DARS1: variants seen among roughly 807,000 people sequenced by gnomAD.
DARS1 encodes the protein aspartate--tRNA ligase, cytoplasmic.
Under a neutral mutation model 68.8 loss-of-function variants are expected in DARS1, and 51 were observed. The ratio of observed to expected loss-of-function variants is 0.74; its 90% CI spans 0.59 to 0.94. The LOEUF (loss-of-function observed/expected upper bound fraction) is 0.94. Ranked by LOEUF, DARS1 falls within the 40% of genes least tolerant of loss-of-function variation. The probability of loss-of-function intolerance (pLI) is 0.00; values close to 1 mark genes in which losing one functional copy is unlikely to be tolerated. For missense variants in DARS1, 607 were observed against 597.3 expected (o/e 1.02, Z -0.17); for synonymous variants, 203 against 190.4 (o/e 1.07, Z -0.55).
rs1246905736 is a variant in DARS1 at position 135,911,409 on chromosome 2, T to C, written c.1315A>G (p.Thr439Ala). 6 of 1,005,420 alleles carry C rather than the reference T, an allele frequency of 6.0e-6. No homozygotes were observed. Among genetic ancestry groups the C allele is most frequent in the African/African-American group, 1.6e-5 (1 of 63,726 alleles). 62.3% of individuals were successfully genotyped at this position (1,005,420 alleles called of 1,614,324 possible). The change falls in exon 14 of 16, where the codon ACA becomes GCA. Residue 439 changes from threonine to alanine, a missense_variant. Physicochemically the swap from Thr to Ala is moderately conservative, Grantham distance 58. Coordinates refer to ENST00000264161, the MANE Select transcript of DARS1 (RefSeq NM_001349.4). ...AQRIHDPQLL[T>A]ERALHHGIDL... ...ATTCCATGATGTAAAGCTCTCTCTGTTAGCAGTTGAGGATCATGTATTCTT... is the reference window on the plus strand; with the variant it reads ...ATTCCATGATGTAAAGCTCTCTCTGCTAGCAGTTGAGGATCATGTATTCTT...
chr2:135,980,420 G>C (rs1021194601), intron 2 of DARS1: 3 of 152,156 alleles, frequency 2.0e-5, no homozygotes, highest in African/African-American at 7.2e-5. Context: ...TATAAATACT[G>C]TATGTCTTAC....
At chr2:135,970,649 A>G (rs1682349141) in intron 3 of DARS1, among the ~76,000 whole-genome samples, 1 of 152,118 alleles carries the variant, frequency 6.6e-6, no homozygotes, top group South Asian at 2.1e-4. Flanking sequence ...AAACAATATA[A>G]AAGATCAATG....
chr2:135,976,926 C>T (rs936803586), intron 3 of DARS1, among the ~76,000 whole-genome samples: 1 of 152,062 alleles, frequency 6.6e-6, no homozygotes, highest in Non-Finnish European at 1.5e-5. Flanking sequence ...AGCTACTGGA[C>T]AGCAAGAACA....
chr2:135,941,327 C>G (rs898119503), intron 5 of DARS1, among the ~76,000 whole-genome samples: 16 of 152,240 alleles, frequency 1.1e-4, no homozygotes, highest in Admixed American at 3.9e-4. Flanking sequence ...ATCAATGGAA[C>G]AGAACAGAGC....
rs370064817 is a variant in DARS1 at position 135,916,233 on chromosome 2, C to T, written c.1099G>A (p.Asp367Asn). 52 of 1,580,462 alleles carry T rather than the reference C, an allele frequency of 3.3e-5. No individual in the cohort carries two copies. Among genetic ancestry groups the T allele is most frequent in the Non-Finnish European group, 4.3e-5 (49 of 1,150,130 alleles). ...AAAGCCACAAAGACAAACCTCAGATCGTCTTCATCTCCCATTTCGACTCCA... is the reference window on the plus strand; with the variant it reads ...AAAGCCACAAAGACAAACCTCAGATTGTCTTCATCTCCCATTTCGACTCCA... ...EAGVEMGDED[D>N]LSTPNEKLLG... Residue 367 changes from aspartate to asparagine, a missense_variant, in exon 11 of 16, where the codon GAT (aspartate) becomes AAT (asparagine). Asp to Asn is a conservative substitution (Grantham distance 23, BLOSUM62 1). Coordinates refer to ENST00000264161, the MANE Select transcript of DARS1 (RefSeq NM_001349.4).
At chr2:135,985,670 C>A (rs1260780786), upstream of DARS1, 2 of 1,347,474 alleles carry the variant, frequency 1.5e-6, no homozygotes, top group Non-Finnish European at 2.0e-6. Context: ...CGCTGGCGGC[C>A]GCGCGCAGGG....
chr2:135,974,137 C>A (rs150877902), intron 3 of DARS1, among the ~76,000 whole-genome samples: 1 of 152,130 alleles, frequency 6.6e-6, no homozygotes, highest in Non-Finnish European at 1.5e-5. Context: ...GTGAAAGGGA[C>A]GCTTATTTAC....
In DARS1 at chr2:135,961,535, C is replaced by T. The variant is rs146614339; in HGVS notation, c.218-37G>A. The T allele has an allele frequency of 2.3e-5, 23 of 990,778 alleles. No individual in the cohort carries two copies. In the East Asian group the frequency reaches 5.0e-4, roughly 22 times the overall value. The allele number at this position is 990,778 out of a possible 1,614,324, so 61.4% of individuals were successfully genotyped here. ...AGAAAGAACACAAATGTATTAAGGA[C>T]ACGCAACTTCAGGTTTTACAAAGAA... is the stretch of plus-strand genomic sequence containing the variant. On this transcript the variant is annotated intron_variant, in intron 3 of 15. Transcript: ENST00000264161.
At chr2:135,947,049 TG>T (rs904212097) in intron 4 of DARS1, among the ~76,000 whole-genome samples, 6 of 152,264 alleles carry the variant, frequency 3.9e-5, no homozygotes, top group Admixed American at 2.6e-4. Flanking sequence ...CCCAAAGTGG[TG>T]GGATTACAGG....
rs749578102 is a variant in DARS1 at position 135,985,534 on chromosome 2, G to C, written c.-66C>G. 9.3e-6 allele frequency: 15 copies of C among 1,611,742 alleles called. No homozygotes were observed. In the South Asian group the frequency reaches 1.3e-4, roughly 14 times the overall value. ...AGGCTTCCGTAAGGCAGGCCAAAGG[G>C]GCTTCTCCCTCCCTCCCAGTCTCCG... On this transcript the variant is annotated 5_prime_UTR_variant, in exon 1 of 16. Coordinates refer to ENST00000264161, the MANE Select transcript of DARS1 (RefSeq NM_001349.4).
chr2:135,975,666 A>C (rs1682480946), intron 3 of DARS1, among the ~76,000 whole-genome samples: 1 of 150,028 alleles, frequency 6.7e-6, no homozygotes, highest in African/African-American at 2.5e-5. Flanking sequence ...ATGGTGGCGC[A>C]TGCCTGTAGT....
chr2:135,943,559 T>G, intron 4 of DARS1, 79 bp from the exon 5 acceptor site: 3 of 1,548,686 alleles, frequency 1.9e-6, no homozygotes, highest in Non-Finnish European at 2.6e-6. Flanking sequence ...GCAGTAAAGC[T>G]GAATATGTTA....
intron 4 of DARS1, among the ~76,000 whole-genome samples, chr2:135,953,930 T>C (rs980411358): frequency 6.6e-6 from 1 of 151,768 alleles, no homozygotes; most frequent in Admixed American, 6.5e-5. Flanking sequence ...TATTTAATTT[T>C]TTTTTTTGTA....
chr2:135,963,125 A>G (rs1448850347), intron 3 of DARS1, among the ~76,000 whole-genome samples: 1 of 152,212 alleles, frequency 6.6e-6, no homozygotes, highest in East Asian at 1.9e-4. Flanking sequence ...ATGGGTCGGC[A>G]CTAGGGGGTA....
At chr2:135,950,655 T>C (rs1449713065) in intron 4 of DARS1, among the ~76,000 whole-genome samples, 4 of 152,188 alleles carry the variant, frequency 2.6e-5, no homozygotes, top group African/African-American at 9.7e-5. Flanking sequence ...CCAATTATAC[T>C]TAGAAACTAA....
At chr2:135,965,737 T>C (rs1682217937) in intron 3 of DARS1, among the ~76,000 whole-genome samples, 1 of 152,202 alleles carries the variant, frequency 6.6e-6, no homozygotes. Flanking sequence ...TTAGAATATA[T>C]GTTAAGGAAA....
chr2:135,965,934 C>T (rs660002), intron 3 of DARS1, among the ~76,000 whole-genome samples: 39,156 of 152,056 alleles, frequency 0.26, 5,990 homozygotes, highest in Middle Eastern at 0.42. Flanking sequence ...CTCTATGAAG[C>T]ACTTTTGAGA....
intron 7 of DARS1, among the ~76,000 whole-genome samples, chr2:135,931,048 G>T (rs1419221104): frequency 6.6e-6 from 1 of 152,202 alleles, no homozygotes; most frequent in African/African-American, 2.4e-5. Flanking sequence ...TGCCTGTAAA[G>T]TTCAGAGAGA....
intron 7 of DARS1, among the ~76,000 whole-genome samples, chr2:135,925,211 C>A (rs1207916481): frequency 6.6e-6 from 1 of 152,118 alleles, no homozygotes; most frequent in African/African-American, 2.4e-5. Flanking sequence ...AGGTAATTAT[C>A]TCTACTTTAG....
Sources: gnomAD v4.1 joint callset for allele counts (sites outside exome capture counted in the v4.1 genomes callset) on GRCh38, gnomAD v4.1.1 for gene constraint, MANE v1.5 for transcripts, NCBI Gene and HGNC (gene_info 2026-07-23, HGNC 2026-07-21) for gene names.